Variants in MYO5B observed in about 807,000 individuals in gnomAD.
MYO5B encodes myosin VB, also known as unconventional myosin-Vb.
Under a neutral mutation model 229.3 loss-of-function variants are expected in MYO5B, and 143 were observed. The observed-to-expected ratio is 0.62, with a 90% CI of 0.54 to 0.72. The LOEUF (loss-of-function observed/expected upper bound fraction) is 0.72, where lower values mean the gene tolerates loss of function less well. Among genes scored for constraint, MYO5B ranks in the 30% least tolerant of loss-of-function variants. MYO5B has a pLI of 0.00. For missense variants in MYO5B, 2,321 were observed against 2,331.0 expected (o/e 1.00, Z 0.09); for synonymous variants, 918 against 885.2 (o/e 1.04, Z -0.66).
At chr18:49,931,747 C>T (rs574197715) in intron 16 of MYO5B, among the ~76,000 whole-genome samples, 29 of 152,312 alleles carry the variant, frequency 1.9e-4, no homozygotes, top group Non-Finnish European at 2.9e-4. Flanking sequence ...CAGAAGCCTT[C>T]GGGCTGCGGG....
At chr18:49,938,155 A>G (rs1320412598) in intron 14 of MYO5B, among the ~76,000 whole-genome samples, 1 of 152,172 alleles carries the variant, frequency 6.6e-6, no homozygotes, top group Non-Finnish European at 1.5e-5. Context: ...CTATTTTTCT[A>G]CATTATTGCA....
chr18:50,035,071 A>G (rs187308803), intron 4 of MYO5B, among the ~76,000 whole-genome samples: 1 of 152,292 alleles, frequency 6.6e-6, no homozygotes, highest in African/African-American at 2.4e-5. Context: ...CAAGCAAGTG[A>G]AATAACCCAA....
intron 3 of MYO5B, among the ~76,000 whole-genome samples, chr18:50,039,272 AAGAG>A (rs773073478): frequency 1.6e-4 from 25 of 152,250 alleles, no homozygotes; most frequent in Non-Finnish European, 2.8e-4. Flanking sequence ...ACTCTTTAAA[AAGAG>A]AGAGAGAGAT....
intron 26 of MYO5B, 65 bp from the exon 27 acceptor site, chr18:49,872,297 C>T: frequency 6.5e-7 from 1 of 1,541,402 alleles, no homozygotes. Flanking sequence ...GAGGTGTTTC[C>T]AACTGTGGTC....
intron 23 of MYO5B, chr18:49,879,313 T>C (rs2024561288): frequency 1.7e-6 from 1 of 575,150 alleles, no homozygotes. Context: ...TCTCAGGGAA[T>C]GGGGAGAGAG....
chr18:50,024,779 G>C (rs2026312832), intron 4 of MYO5B, among the ~76,000 whole-genome samples: 1 of 152,164 alleles, frequency 6.6e-6, no homozygotes, highest in Admixed American at 6.5e-5. Context: ...CTCAACCAGA[G>C]AGGTTCCCTG....
intron 1 of MYO5B, among the ~76,000 whole-genome samples, chr18:50,102,772 A>G (rs1211427485): frequency 3.9e-5 from 6 of 152,076 alleles, no homozygotes; most frequent in African/African-American, 1.2e-4. Context: ...GCACATTAAA[A>G]TACTAGCCTG....
At chr18:49,890,347 C>T (rs1428494653) in intron 22 of MYO5B, among the ~76,000 whole-genome samples, 2 of 146,356 alleles carry the variant, frequency 1.4e-5, no homozygotes, top group Non-Finnish European at 3.0e-5. Context: ...AGGACTCATT[C>T]AACACCATTC....
chr18:49,902,693 C>T lies in MYO5B; in HGVS notation c.2712G>A (p.Lys904=). 2.5e-6 allele frequency: 4 copies of T among 1,612,480 alleles called. No homozygotes were observed. Among genetic ancestry groups the T allele is most frequent in the Non-Finnish European group, 3.4e-6 (4 of 1,180,038 alleles). ...FRMLKARREL[K]ALRIEARSAE... The stretch of plus-strand genomic sequence containing the variant: ...CTGAGCGGGCCTCAATCCTGAGGGC[C>T]TTCAGCTCCCGCCTGGCCTTGAGCA... Residue 904 remains lysine, a synonymous_variant, in exon 21 of 40, where the codon AAG becomes AAA. Coordinates refer to ENST00000285039, the MANE Select transcript of MYO5B (RefSeq NM_001080467.3).
At chr18:49,857,880 C>T (rs901024091) in intron 29 of MYO5B, among the ~76,000 whole-genome samples, 3 of 152,190 alleles carry the variant, frequency 2.0e-5, no homozygotes, top group African/African-American at 7.2e-5. Flanking sequence ...CTGCCCCCAG[C>T]AGGACTCTGC....
At chr18:50,045,191 C>T (rs1211763125) in intron 2 of MYO5B, among the ~76,000 whole-genome samples, 2 of 152,018 alleles carry the variant, frequency 1.3e-5, no homozygotes, top group African/African-American at 4.8e-5. Flanking sequence ...TTTAGGGACT[C>T]AAGAAATTTC....
At chr18:50,006,152 A>G (rs1598947214) in intron 4 of MYO5B, among the ~76,000 whole-genome samples, 1 of 152,162 alleles carries the variant, frequency 6.6e-6, no homozygotes, top group Non-Finnish European at 1.5e-5. Context: ...TCCTCTGACT[A>G]AAATCCTAAC....
At position 50,043,296 on chromosome 18, in the gene MYO5B, TA is replaced by T. The variant is rs1372795275; in HGVS notation, c.139-2983del. On this transcript the variant is annotated intron_variant, in intron 2 of 39. Transcript: ENST00000285039. ...AATATATTTATATTTATATATTATA[TA>T]TAATATATAATATAAATATATAAAA... Among the ~76,000 whole-genome samples the T allele has an allele frequency of 3.8e-3, 433 of 114,938 alleles. 9 individuals are homozygous for T. Among genetic ancestry groups the T allele is most frequent in the African/African-American group, 0.011 (321 of 28,318 alleles). The allele number at this position is 114,938 out of a possible 152,430, so 75.4% of individuals were successfully genotyped here. A position where few individuals can be genotyped will look rare whatever the true frequency, so the allele number is the denominator to read the frequency against.
In MYO5B at chr18:50,194,908, T is replaced by TC. The variant is rs1183037937; in HGVS notation, c.-116dup. 4.1e-5 allele frequency: 50 copies of TC among 1,207,092 alleles called. No homozygotes were observed. In the Middle Eastern group the frequency reaches 9.5e-4, roughly 23 times the overall value. The allele number at this position is 1,207,092 out of a possible 1,614,324, so 74.8% of individuals were successfully genotyped here. On this transcript the variant is annotated 5_prime_UTR_variant, in exon 1 of 40. Coordinates refer to ENST00000285039, the MANE Select transcript of MYO5B (RefSeq NM_001080467.3). ...GCTGGCCTGGAGTTTCTCGATCTTC[T>TC]CGCTCTTCTCCGACCTGCCCCGCCG...
intron 25 of MYO5B, among the ~76,000 whole-genome samples, chr18:49,876,806 C>A (rs1318592764): frequency 6.6e-6 from 1 of 152,240 alleles, no homozygotes; most frequent in African/African-American, 2.4e-5. Context: ...CAGAACCGCA[C>A]AACAGAGAGG....
At chr18:49,900,238 G>A (rs2024826465) in intron 21 of MYO5B, among the ~76,000 whole-genome samples, 1 of 152,228 alleles carries the variant, frequency 6.6e-6, no homozygotes, top group Non-Finnish European at 1.5e-5. Context: ...ACCTTGGCAT[G>A]CTTTGTGCTT....
intron 1 of MYO5B, among the ~76,000 whole-genome samples, chr18:50,092,812 G>A (rs571927933): frequency 3.9e-5 from 6 of 152,186 alleles, no homozygotes; most frequent in African/African-American, 1.4e-4. Context: ...TTGAATTATT[G>A]AATCATTGAA....
At chr18:49,970,318 T>C (rs1175590106) in intron 10 of MYO5B, among the ~76,000 whole-genome samples, 4 of 152,194 alleles carry the variant, frequency 2.6e-5, no homozygotes, top group African/African-American at 9.7e-5. Context: ...TTTGCACTTT[T>C]TGTGGAGCTG....
intron 18 of MYO5B, among the ~76,000 whole-genome samples, chr18:49,907,906 G>A (rs1387427405): frequency 1.3e-5 from 2 of 152,252 alleles, no homozygotes; most frequent in Non-Finnish European, 2.9e-5. Context: ...TTCAGCTCAT[G>A]CTGAGAGGAA....
Sources: allele counts gnomAD v4.1 joint callset (sites outside exome capture counted in the v4.1 genomes callset), GRCh38; gene constraint gnomAD v4.1.1; transcripts MANE v1.5; gene names NCBI Gene and HGNC (gene_info 2026-07-23, HGNC 2026-07-21).